Variants in ZNF716 observed in about 807,000 individuals in gnomAD.
ZNF716 encodes zinc finger protein 716.
Under a neutral mutation model 13.4 loss-of-function variants are expected in ZNF716, and 9 were observed. The observed-to-expected ratio is 0.67, with a 90% confidence interval of 0.41 to 1.18. The LOEUF (loss-of-function observed/expected upper bound fraction) is 1.18, where lower values mean the gene tolerates loss of function less well. ZNF716 is among the 50% of genes most tolerant of loss of function. ZNF716 has a pLI of 0.01. For missense variants in ZNF716, 581 were observed against 576.6 expected (o/e 1.01, Z -0.08); for synonymous variants, 186 against 195.2 (o/e 0.95, Z 0.39).
intron 1 of ZNF716, among the ~76,000 whole-genome samples, chr7:57,460,771 C>T (rs1385281063): frequency 6.6e-6 from 1 of 152,110 alleles, no homozygotes; most frequent in Non-Finnish European, 1.5e-5. Context: ...GTTGAGGTTT[C>T]ATCTGTGTGC....
At chr7:57,467,538 G>GT (rs11413790) in intron 3 of ZNF716, among the ~76,000 whole-genome samples, 58,211 of 151,592 alleles carry the variant, frequency 0.38, 11,382 homozygotes, top group East Asian at 0.51. Context: ...CATTTTGCAC[G>GT]TTTTTTTCTG....
intron 1 of ZNF716, among the ~76,000 whole-genome samples, chr7:57,457,438 A>G (rs2396950): frequency 0.78 from 119,264 of 152,064 alleles, 47,253 homozygotes; most frequent in East Asian, 0.91. Context: ...TCTGCCTCCC[A>G]GGTTCAAGCG....
intron 1 of ZNF716, among the ~76,000 whole-genome samples, chr7:57,459,992 G>A (rs1789678547): frequency 9.0e-6 from 1 of 110,988 alleles, no homozygotes; most frequent in South Asian, 3.0e-4. Context: ...CAAGATGCAG[G>A]TTTGATATGT....
chr7:57,469,602 A>T lies in ZNF716; in HGVS notation c.1141A>T (p.Thr381Ser). ...KRIHTGEKPYTCEECGKAFSL... is the reference protein window; with the variant it reads ...KRIHTGEKPYSCEECGKAFSL... Reference sequence around the variant, plus strand: ...GATTCATACTGGAGAGAAACCCTACACTTGTGAAGAATGTGGCAAAGCCTT... The same window carrying T: ...GATTCATACTGGAGAGAAACCCTACTCTTGTGAAGAATGTGGCAAAGCCTT... The change falls in exon 4 of 4, where the codon ACT (threonine) becomes TCT (serine). Residue 381 changes from threonine to serine, a missense_variant. Coordinates refer to ENST00000420713, the MANE Select transcript of ZNF716 (RefSeq NM_001159279.1). The T allele has an allele frequency of 6.2e-7, 1 of 1,613,196 alleles. No individual in the cohort carries two copies.
chr7:57,464,121 T>A (rs1321814368), intron 3 of ZNF716, among the ~76,000 whole-genome samples: 2 of 113,212 alleles, frequency 1.8e-5, no homozygotes, highest in Non-Finnish European at 3.3e-5. Flanking sequence ...ATTTCTTTTT[T>A]CTTTTTTTTT....
chr7:57,451,583 G>A (rs1228298093), intron 1 of ZNF716, among the ~76,000 whole-genome samples: 1 of 151,256 alleles, frequency 6.6e-6, no homozygotes, highest in African/African-American at 2.4e-5. Flanking sequence ...GAGTAGCTGG[G>A]ATTACATGCA....
intron 1 of ZNF716, among the ~76,000 whole-genome samples, chr7:57,456,374 A>C (rs1190972079): frequency 1.3e-5 from 2 of 152,200 alleles, no homozygotes; most frequent in Admixed American, 1.3e-4. Flanking sequence ...CAGTTTACAG[A>C]CAGTAGCTGA....
At chr7:57,461,877 C>G (rs35357268) in intron 1 of ZNF716, among the ~76,000 whole-genome samples, 1 of 151,894 alleles carries the variant, frequency 6.6e-6, no homozygotes, top group African/African-American at 2.4e-5. Context: ...TAGACATGTC[C>G]GACTGGGTGC....
At chr7:57,468,204 GT>G (rs1789848842) in intron 3 of ZNF716, among the ~76,000 whole-genome samples, 1 of 151,990 alleles carries the variant, frequency 6.6e-6, no homozygotes, top group Non-Finnish European at 1.5e-5. Flanking sequence ...TTCTACACCT[GT>G]TTTCTGTCCA....
At chr7:57,452,359 A>G (rs10279042) in intron 1 of ZNF716, among the ~76,000 whole-genome samples, 5,440 of 151,970 alleles carry the variant, frequency 0.036, 311 homozygotes, top group East Asian at 0.24. Context: ...CAGGGGCCGG[A>G]CGCGGTGGCT....
intron 3 of ZNF716, 122 bp from the exon 4 acceptor site, chr7:57,468,602 C>T: frequency 2.0e-6 from 2 of 977,420 alleles, no homozygotes; most frequent in Middle Eastern, 3.0e-4. Flanking sequence ...GGAATTACGG[C>T]TTGTGGTATT....
chr7:57,463,302 C>G, intron 3 of ZNF716, 134 bp downstream of exon 3: 1 of 1,225,418 alleles, frequency 8.2e-7, no homozygotes, highest in Non-Finnish European at 1.1e-6. Context: ...TCATTTTTTT[C>G]TATTATGCTT....
intron 3 of ZNF716, among the ~76,000 whole-genome samples, chr7:57,465,013 C>T (rs192047768): frequency 9.6e-4 from 146 of 152,086 alleles, no homozygotes; most frequent in African/African-American, 3.2e-3. Context: ...AGTATAATGC[C>T]TCTGTGTTTT....
At chr7:57,464,143 T>TTTTTTTTAC (rs1789762530) in intron 3 of ZNF716, among the ~76,000 whole-genome samples, 6 of 128,848 alleles carry the variant, frequency 4.7e-5, no homozygotes, top group East Asian at 2.4e-4. Flanking sequence ...TTTTTTGAGA[T>TTTTTTTTAC]GGAGTTTCAC....
intron 1 of ZNF716, among the ~76,000 whole-genome samples, chr7:57,459,811 G>T (rs539548961): frequency 1.3e-5 from 2 of 152,270 alleles, no homozygotes; most frequent in East Asian, 1.9e-4. Flanking sequence ...AGGGGAAAAA[G>T]AAACATATTT....
intron 1 of ZNF716, among the ~76,000 whole-genome samples, chr7:57,460,516 T>G (rs1789689193): frequency 6.6e-6 from 1 of 152,144 alleles, no homozygotes. Flanking sequence ...TTTCAATTAT[T>G]TTTTATTTTT....
At position 57,470,690 on chromosome 7, in the gene ZNF716, T is replaced by C. The variant is rs1255232187; in HGVS notation, c.*741T>C. On this transcript the variant is annotated 3_prime_UTR_variant, in exon 4 of 4. Transcript: ENST00000420713. ...TTTGTTTGAATAAATGTAAAATAAT[T>C]GATACTGGAGAGAACCCCTGCAATT... 2 of 146,300 alleles carry C rather than the reference T, an allele frequency of 1.4e-5. No individual in the cohort carries two copies. Among genetic ancestry groups the C allele is most frequent in the Non-Finnish European group, 3.0e-5 (2 of 67,238 alleles). The allele number at this position is 146,300 out of a possible 1,614,324, so 9.1% of individuals were successfully genotyped here. A position where few individuals can be genotyped will look rare whatever the true frequency, so the allele number is the denominator to read the frequency against.
At chr7:57,461,118 A>AT (rs1789702164) in intron 1 of ZNF716, among the ~76,000 whole-genome samples, 1 of 131,580 alleles carries the variant, frequency 7.6e-6, no homozygotes, top group African/African-American at 2.7e-5. Flanking sequence ...AAAAAAAAAA[A>AT]AATACAAAAA....
intron 3 of ZNF716, among the ~76,000 whole-genome samples, chr7:57,465,542 G>T (rs1554323925): frequency 6.6e-6 from 1 of 151,944 alleles, no homozygotes; most frequent in Non-Finnish European, 1.5e-5. Context: ...TGTAAAGACG[G>T]TCTCACTGTG....
Sources: gnomAD v4.1 joint callset for allele counts (sites outside exome capture counted in the v4.1 genomes callset) on GRCh38, gnomAD v4.1.1 for gene constraint, MANE v1.5 for transcripts, NCBI Gene and HGNC (gene_info 2026-07-23, HGNC 2026-07-21) for gene names.